Variants in TNFRSF21 observed in about 807,000 individuals in gnomAD.
TNFRSF21 encodes the protein tumor necrosis factor receptor superfamily member 21.
In TNFRSF21, 19 loss-of-function variants were observed where a neutral mutation model predicts 45.6. That is an observed-to-expected ratio of 0.42 (90% CI 0.29 to 0.61). The LOEUF (loss-of-function observed/expected upper bound fraction) is 0.61. Ranked by LOEUF, TNFRSF21 falls within the 20% of genes least tolerant of loss-of-function variation. The pLI is 0.23. For synonymous variants in TNFRSF21, 314 were observed against 335.5 expected (o/e 0.94, Z 0.70); for missense variants, 737 against 851.5 (o/e 0.87, Z 1.67).
At chr6:47,290,417 G>A (rs1433960397) in intron 1 of TNFRSF21, among the ~76,000 whole-genome samples, 1 of 152,070 alleles carries the variant, frequency 6.6e-6, no homozygotes, top group African/African-American at 2.4e-5. Flanking sequence ...TGTGGAGTTG[G>A]GGTAGGCTTC....
chr6:47,273,777 C>T (rs932893454), intron 3 of TNFRSF21, among the ~76,000 whole-genome samples: 2 of 152,108 alleles, frequency 1.3e-5, no homozygotes, highest in African/African-American at 4.8e-5. Context: ...CATCTCAGCC[C>T]CAAATCTCCT....
intron 5 of TNFRSF21, among the ~76,000 whole-genome samples, 182 bp downstream of exon 5, chr6:47,234,488 C>G (rs1232249854): frequency 6.6e-6 from 1 of 152,198 alleles, no homozygotes; most frequent in Non-Finnish European, 1.5e-5. Context: ...GTGTCTTCGC[C>G]AGCCAATGGC....
chr6:47,308,875 G>C (rs1234478507), intron 1 of TNFRSF21, among the ~76,000 whole-genome samples: 1 of 152,252 alleles, frequency 6.6e-6, no homozygotes, highest in East Asian at 1.9e-4. Flanking sequence ...GCCCTGCTCG[G>C]GAATGCACCG....
Position 47,254,207 on chromosome 6 carries a change from G to A in TNFRSF21, c.1244-686C>T, listed in dbSNP as rs373123483. ...AGACAGTCAATCTGATAACCTAGACGGCTACTAAGTGACTCACAGGCAGGT... is the reference window on the plus strand; with the variant it reads ...AGACAGTCAATCTGATAACCTAGACAGCTACTAAGTGACTCACAGGCAGGT... On this transcript the variant is annotated intron_variant, in intron 3 of 5. Transcript: ENST00000296861. 1.1e-4 allele frequency among the ~76,000 whole-genome samples: 17 copies of A among 152,244 alleles called. No individual in the cohort carries two copies. The East Asian group carries it at 1.9e-3, about 17-fold the overall frequency.
intron 1 of TNFRSF21, among the ~76,000 whole-genome samples, chr6:47,303,274 A>G (rs1762896682): frequency 6.6e-6 from 1 of 152,236 alleles, no homozygotes; most frequent in Non-Finnish European, 1.5e-5. Flanking sequence ...AAGATTAGAT[A>G]ATGAGCCTTG....
intron 4 of TNFRSF21, among the ~76,000 whole-genome samples, chr6:47,238,715 T>C (rs1388281673): frequency 1.3e-5 from 2 of 152,214 alleles, no homozygotes; most frequent in Non-Finnish European, 2.9e-5. Context: ...AATTTTCCTT[T>C]CCGAGCACCT....
At chr6:47,272,676 T>C (rs1421051990) in intron 3 of TNFRSF21, among the ~76,000 whole-genome samples, 1 of 151,672 alleles carries the variant, frequency 6.6e-6, no homozygotes. Context: ...AGAGCAGAAC[T>C]GAAAGAGATA....
intron 3 of TNFRSF21, among the ~76,000 whole-genome samples, chr6:47,254,110 C>G (rs541801174): frequency 6.6e-6 from 1 of 152,158 alleles, no homozygotes; most frequent in Non-Finnish European, 1.5e-5. Context: ...CAGCATCACT[C>G]CTCTCGAGCT....
intron 4 of TNFRSF21, 90 bp from the exon 5 acceptor site, chr6:47,234,988 T>G (rs549935211): frequency 1.4e-6 from 1 of 722,840 alleles, no homozygotes; most frequent in South Asian, 3.6e-5. Flanking sequence ...TTTTGTTCCA[T>G]TTAACATTTT....
At chr6:47,264,676 A>G (rs929107608) in intron 3 of TNFRSF21, among the ~76,000 whole-genome samples, 7 of 152,176 alleles carry the variant, frequency 4.6e-5, no homozygotes, top group Admixed American at 1.3e-4. Flanking sequence ...CTACAAGCAT[A>G]AGAGGCTTTT....
chr6:47,297,370 C>T (rs912490414), intron 1 of TNFRSF21, among the ~76,000 whole-genome samples: 4 of 152,204 alleles, frequency 2.6e-5, no homozygotes, highest in African/African-American at 9.7e-5. Flanking sequence ...GTGTCTGACA[C>T]ATAGTAAGCA....
intron 3 of TNFRSF21, 90 bp downstream of exon 3, chr6:47,283,848 A>C: frequency 4.0e-6 from 6 of 1,508,218 alleles, no homozygotes; most frequent in Non-Finnish European, 3.6e-6. Flanking sequence ...AGATTCCACA[A>C]ACTACGCATT....
intron 1 of TNFRSF21, among the ~76,000 whole-genome samples, chr6:47,287,080 C>T (rs552643685): frequency 2.0e-5 from 3 of 152,044 alleles, no homozygotes; most frequent in Non-Finnish European, 4.4e-5. Flanking sequence ...GGCTAAGGCA[C>T]GCAGATCACC....
Position 47,309,646 on chromosome 6 carries a change from T to G in TNFRSF21, c.-135A>C. 8.2e-4 allele frequency: 818 copies of G among 999,104 alleles called. No individual in the cohort carries two copies. Among genetic ancestry groups the G allele is most frequent in the East Asian group, 1.6e-3 (38 of 23,316 alleles). 61.9% of individuals were successfully genotyped at this position (999,104 alleles called of 1,614,324 possible). On this transcript the variant is annotated 5_prime_UTR_variant, in exon 1 of 6. Coordinates refer to ENST00000296861, the MANE Select transcript of TNFRSF21 (RefSeq NM_014452.5). ...TCTACCTCCAACACCCCATGTGCAC[T>G]GCTGCGGCCGGGCAGAGGAGGGAGG...
At chr6:47,266,751 C>T (rs772710161) in intron 3 of TNFRSF21, among the ~76,000 whole-genome samples, 3 of 152,012 alleles carry the variant, frequency 2.0e-5, no homozygotes, top group African/African-American at 4.8e-5. Flanking sequence ...TTTGCATCTC[C>T]GAAGGAAAGG....
chr6:47,235,526 G>A (rs1205941786), intron 4 of TNFRSF21, among the ~76,000 whole-genome samples: 1 of 152,184 alleles, frequency 6.6e-6, no homozygotes, highest in African/African-American at 2.4e-5. Flanking sequence ...TGAGGCTCCA[G>A]AATTGTGAGA....
At position 47,234,667 on chromosome 6, in the gene TNFRSF21, T is replaced by C. The variant is rs766688774; in HGVS notation, c.1738+3A>G. On this transcript the variant is annotated splice_donor_region_variant and intron_variant, in intron 5 of 5. Transcript: ENST00000296861. The stretch of plus-strand genomic sequence containing the variant: ...TGTGTGAGGTCTGCTGCGATGCCCG[T>C]ACCTTTGGTAATAAAGGAACCGTTC... 1.2e-6 allele frequency: 2 copies of C among 1,604,386 alleles called. No individual in the cohort carries two copies. The highest frequency in any genetic ancestry group is 2.2e-5 in the South Asian group (2 of 89,266).
At chr6:47,292,027 T>G (rs1274271169) in intron 1 of TNFRSF21, among the ~76,000 whole-genome samples, 1 of 152,178 alleles carries the variant, frequency 6.6e-6, no homozygotes. Flanking sequence ...GCCCTCTGAT[T>G]TCTAAGAAAA....
chr6:47,298,535 GT>G, intron 1 of TNFRSF21, among the ~76,000 whole-genome samples: 1 of 152,228 alleles, frequency 6.6e-6, no homozygotes, highest in East Asian at 1.9e-4. Flanking sequence ...GCTAAGAATG[GT>G]TTTTACATTT....
Sources: allele counts gnomAD v4.1 joint callset (sites outside exome capture counted in the v4.1 genomes callset), GRCh38; gene constraint gnomAD v4.1.1; transcripts MANE v1.5; gene names NCBI Gene and HGNC (gene_info 2026-07-23, HGNC 2026-07-21).